SHQ1: variants seen among roughly 807,000 people sequenced by gnomAD.
SHQ1 encodes SHQ1, H/ACA ribonucleoprotein assembly factor, also known as protein SHQ1 homolog.
Under a neutral mutation model 53.8 loss-of-function variants are expected in SHQ1, and 49 were observed. That is an observed-to-expected ratio of 0.91 (90% confidence interval 0.72 to 1.16). The LOEUF (loss-of-function observed/expected upper bound fraction) is 1.16, where lower values mean the gene tolerates loss of function less well. SHQ1 is among the 50% of genes most tolerant of loss of function. SHQ1 has a pLI of 0.00. For synonymous variants in SHQ1, 243 were observed against 251.0 expected, an observed-to-expected ratio of 0.97 and a Z score of 0.30; for missense variants, 738 against 683.1, an observed-to-expected ratio of 1.08 and a Z score of -0.90.
At chr3:72,829,440 G>A (rs564045100) in intron 5 of SHQ1, among the ~76,000 whole-genome samples, 1 of 152,246 alleles carries the variant, frequency 6.6e-6, no homozygotes, top group East Asian at 1.9e-4. Flanking sequence ...TAGGCACCAC[G>A]GTGTCTTTGG....
the SHQ1 span, among the ~76,000 whole-genome samples, chr3:72,726,163 A>G: frequency 8.5e-5 from 13 of 152,176 alleles, no homozygotes; most frequent in Non-Finnish European, 1.8e-4. Context: ...CTGAGGCACC[A>G]GGAGTGAAGT....
the SHQ1 span, among the ~76,000 whole-genome samples, chr3:72,733,887 T>C: frequency 6.6e-6 from 1 of 151,652 alleles, no homozygotes; most frequent in Non-Finnish European, 1.5e-5. Context: ...CAAAATGGGA[T>C]TGATAGTACC....
chr3:72,755,266 A>AGATG (rs1287351803), intron 10 of SHQ1, among the ~76,000 whole-genome samples: 1 of 150,130 alleles, frequency 6.7e-6, no homozygotes, highest in African/African-American at 2.5e-5. Context: ...ATGGATGGAT[A>AGATG]GATGGATAGA....
chr3:72,791,359 C>T (rs1157708242), intron 10 of SHQ1, among the ~76,000 whole-genome samples: 1 of 152,130 alleles, frequency 6.6e-6, no homozygotes, highest in Non-Finnish European at 1.5e-5. Context: ...TTCAATTTTC[C>T]ATCTGGCGAA....
intron 5 of SHQ1, among the ~76,000 whole-genome samples, chr3:72,831,662 C>T (rs930700852): frequency 6.6e-6 from 1 of 152,182 alleles, no homozygotes; most frequent in African/African-American, 2.4e-5. Flanking sequence ...AGCCACATGT[C>T]CAAGAGAGGT....
At chr3:72,748,329 C>CAAAAAAAAAAAAAAAAAAA (rs572927520), downstream of SHQ1, among the ~76,000 whole-genome samples, 15 of 58,788 alleles carry the variant, frequency 2.6e-4, 1 homozygote, top group Non-Finnish European at 4.3e-4. Context: ...ATGAGGCATG[C>CAAAAAAAAAAAAAAAAAAA]AAAAAAAAAA....
At chr3:72,766,564 CA>C (rs2106730255) in intron 10 of SHQ1, among the ~76,000 whole-genome samples, 1 of 152,154 alleles carries the variant, frequency 6.6e-6, no homozygotes, top group African/African-American at 2.4e-5. Flanking sequence ...TTTATGTAAA[CA>C]AGATAAAACT....
chr3:72,750,771 C>T lies in SHQ1; in HGVS notation c.1247G>A (p.Gly416Glu), dbSNP rs1047207087. ...KEVSLTKAQL[G>E]LELEELEAAA... ...TGCTTCTAGTTCTTCCAGTTCTAAC[C>T]CCAGCTGGGCCTTTGTAAGGGAGAC... The change falls in exon 11 of 11, where the codon GGG (glycine) becomes GAG (glutamate). Residue 416 changes from glycine (G) to glutamate (E), a missense_variant. By Grantham distance (98) the Gly-to-Glu change is moderately conservative. Coordinates refer to ENST00000325599, the MANE Select transcript of SHQ1 (RefSeq NM_018130.3). 5 of 1,551,458 alleles carry T rather than the reference C, an allele frequency of 3.2e-6. No individual in the cohort carries two copies. The African/African-American group carries it at 5.5e-5, about 17-fold the overall frequency.
At chr3:72,745,656 C>G (rs1307304765), downstream of SHQ1, among the ~76,000 whole-genome samples, 1 of 152,114 alleles carries the variant, frequency 6.6e-6, no homozygotes, top group Non-Finnish European at 1.5e-5. Flanking sequence ...CTAAATAGAG[C>G]CCTGTTCAGC....
intron 6 of SHQ1, among the ~76,000 whole-genome samples, chr3:72,820,264 G>T (rs1707437851): frequency 6.6e-6 from 1 of 152,172 alleles, no homozygotes; most frequent in Non-Finnish European, 1.5e-5. Flanking sequence ...TTCTACATTA[G>T]TCATTTTCAA....
intron 1 of SHQ1, 85 bp downstream of exon 1, chr3:72,848,113 C>CA (rs2106994508): frequency 1.3e-6 from 2 of 1,526,830 alleles, no homozygotes; most frequent in Non-Finnish European, 1.8e-6. Flanking sequence ...CGCAATCGAG[C>CA]ACTGCTCTCT....
Position 72,812,722 on chromosome 3 carries a change from A to C in SHQ1, c.1009T>G (p.Phe337Val), listed in dbSNP as rs1707163868. ...CTGTAGGCCTTCATCACCAGCTTGAAATGGCGATAGAGTGGGTAACACAAC... is the reference window on the plus strand; with the variant it reads ...CTGTAGGCCTTCATCACCAGCTTGACATGGCGATAGAGTGGGTAACACAAC... ...RVLCYPLYRH[F>V]KLVMKAYRDT... The change falls in exon 9 of 11, where the codon TTC becomes GTC. Residue 337 changes from phenylalanine (F) to valine (V), a missense_variant. Phe to Val is a conservative substitution (Grantham distance 50). Transcript: ENST00000325599. 1 of 1,614,102 alleles carries C rather than the reference A, an allele frequency of 6.2e-7. No homozygotes were observed. The highest frequency in any genetic ancestry group is 8.5e-7 in the Non-Finnish European group (1 of 1,179,972).
chr3:72,755,811 G>C (rs901477133), intron 10 of SHQ1, among the ~76,000 whole-genome samples: 3 of 152,116 alleles, frequency 2.0e-5, no homozygotes, highest in Non-Finnish European at 4.4e-5. Context: ...TTTCTCTGTC[G>C]TACTCAAAAC....
chr3:72,753,485 C>A, intron 10 of SHQ1: 1 of 983,032 alleles, frequency 1.0e-6, no homozygotes, highest in Non-Finnish European at 1.2e-6. Context: ...CCCCCCACAA[C>A]CCCTGCTGCC....
At chr3:72,833,787 C>A (rs918676395) in intron 4 of SHQ1, among the ~76,000 whole-genome samples, 61 of 152,162 alleles carry the variant, frequency 4.0e-4, no homozygotes, top group Non-Finnish European at 1.6e-4. Context: ...ACCAGAATTG[C>A]GAAGCAAAGA....
chr3:72,815,220 C>T lies in SHQ1; in HGVS notation c.936+130G>A, dbSNP rs976156336. ...AGAATTTTATTAAAAAGATGGAAAA[C>T]ATACTTGTACAATAGAGCTTCTACT... On this transcript the variant is annotated intron_variant, in intron 8 of 10. Coordinates refer to ENST00000325599, the MANE Select transcript of SHQ1 (RefSeq NM_018130.3). The T allele has an allele frequency of 2.7e-5, 19 of 703,850 alleles. No individual in the cohort carries two copies. The East Asian group carries it at 4.5e-4, about 17-fold the overall frequency. 43.6% of individuals were successfully genotyped at this position (703,850 alleles called of 1,614,324 possible). A position where few individuals can be genotyped will look rare whatever the true frequency, so the allele number is the denominator to read the frequency against.
At chr3:72,813,653 C>T (rs542026124) in intron 8 of SHQ1, among the ~76,000 whole-genome samples, 12 of 148,840 alleles carry the variant, frequency 8.1e-5, no homozygotes, top group African/African-American at 1.2e-4. Context: ...CCCAGCTACT[C>T]GGGAAGCTGA....
intron 2 of SHQ1, among the ~76,000 whole-genome samples, chr3:72,843,335 T>C (rs958589852): frequency 6.6e-6 from 1 of 152,188 alleles, no homozygotes; most frequent in Non-Finnish European, 1.5e-5. Flanking sequence ...ACAACAATTA[T>C]GGCTTAATAA....
chr3:72,793,016 A>T lies in SHQ1; in HGVS notation c.1081T>A (p.Cys361Ser). The T allele has an allele frequency of 6.2e-7, 1 of 1,607,194 alleles. No individual in the cohort carries two copies. Among genetic ancestry groups the T allele is most frequent in the Non-Finnish European group, 8.5e-7 (1 of 1,176,798 alleles). The change falls in exon 10 of 11, where the codon TGT (cysteine) becomes AGT (serine). Residue 361 changes from cysteine to serine, a missense_variant. Cys to Ser is a moderately radical substitution (Grantham distance 112). Transcript: ENST00000325599. ...AAAATTTTGTGAATATCCAGGAGACACTTTAAAACTGCACTTTTACCTAAA... is the reference window on the plus strand; with the variant it reads ...AAAATTTTGTGAATATCCAGGAGACTCTTTAAAACTGCACTTTTACCTAAA... Reference protein sequence around the residue: ...LQLGKSAVLKCLLDIHKIFQE... With the variant: ...LQLGKSAVLKSLLDIHKIFQE...
Sources: gnomAD v4.1 joint callset for allele counts (sites outside exome capture counted in the v4.1 genomes callset) on GRCh38, gnomAD v4.1.1 for gene constraint, MANE v1.5 for transcripts, NCBI Gene and HGNC (gene_info 2026-07-23, HGNC 2026-07-21) for gene names.